Variants in SLC19A1 observed in about 807,000 individuals in gnomAD.
The protein encoded by SLC19A1 is solute carrier family 19 member 1, also known as reduced folate transporter.
In SLC19A1, 37 loss-of-function variants were observed where a neutral mutation model predicts 35.3. That is an observed-to-expected ratio of 1.05 (90% CI 0.81 to 1.38). The LOEUF (loss-of-function observed/expected upper bound fraction) is 1.38. Among genes scored for constraint, SLC19A1 ranks in the 40% most tolerant of loss-of-function variants. SLC19A1 has a pLI of 0.00. For synonymous variants in SLC19A1, 460 were observed against 398.5 expected (o/e 1.15, Z -1.84); for missense variants, 831 against 826.9 (o/e 1.00, Z -0.06).
In SLC19A1 at chr21:45,531,477, G is replaced by C; in HGVS notation, c.861C>G (p.Tyr287Ter). 1.2e-6 allele frequency: 2 copies of C among 1,612,752 alleles called. No individual in the cohort carries two copies. The highest frequency in any genetic ancestry group is 1.7e-6 in the Non-Finnish European group (2 of 1,179,744). The change falls in exon 3 of 6, where the codon TAC (tyrosine) becomes TAG (stop). Residue 287 changes from tyrosine to a stop codon, truncating the protein, a stop_gained. Transcript: ENST00000311124. LOFTEE classifies it high-confidence loss of function. ...NSAGYYLVVY[Y>*]VHILWNEVDP... ...CCACCTCGTTCCACAGGATGTGCACGTAGTAGACCACCAGGTAGTAGCCGG... is the reference window on the plus strand; with the variant it reads ...CCACCTCGTTCCACAGGATGTGCACCTAGTAGACCACCAGGTAGTAGCCGG...
chr21:45,507,023 CAGG>C (rs559990384), intron 3 of SLC19A1: 21 of 308,608 alleles, frequency 6.8e-5, no homozygotes, highest in South Asian at 3.3e-4. Context: ...TTGGTCCTGA[CAGG>C]AGGAGGCAGG....
chr21:45,509,385 C>A (rs529776494), downstream of SLC19A1: 57 of 1,542,060 alleles, frequency 3.7e-5, no homozygotes, highest in South Asian at 5.9e-4. Context: ...TGCAGCCCCC[C>A]GTGGTGCAGC....
At chr21:45,557,348 C>T (rs143067773) in intron 1 of SLC19A1, among the ~76,000 whole-genome samples, 139 of 152,330 alleles carry the variant, frequency 9.1e-4, no homozygotes, top group African/African-American at 3.2e-3. Context: ...CCCCGTAGCC[C>T]GTGCCACATT....
At chr21:45,516,481 G>A (rs1029146081) in intron 5 of SLC19A1, among the ~76,000 whole-genome samples, 1 of 152,198 alleles carries the variant, frequency 6.6e-6, no homozygotes, top group Non-Finnish European at 1.5e-5. Context: ...TGAGACAGCG[G>A]AAGGGTGCCC....
At chr21:45,554,469 C>A (rs569666409) in intron 1 of SLC19A1, among the ~76,000 whole-genome samples, 3 of 4,914 alleles carry the variant, frequency 6.1e-4, no homozygotes, top group East Asian at 4.4e-3. Flanking sequence ...CCATGCCCCC[C>A]CAATCCCCCG....
rs1004161700 is a variant in SLC19A1 at position 45,505,235 on chromosome 21, A to C, written c.498-6623T>G. 660 of 1,594,986 alleles carry C rather than the reference A, an allele frequency of 4.1e-4. 2 individuals carry two copies. The African/African-American group carries it at 4.8e-3, about 12-fold the overall frequency. Reference sequence around the variant, plus strand: ...GGCGCCAGGGCCCTCCCGGCCCCCCAGGCCCCCCAGGGCCCCCTTCATTTC... The same window carrying C: ...GGCGCCAGGGCCCTCCCGGCCCCCCCGGCCCCCCAGGGCCCCCTTCATTTC... On this transcript the variant is annotated intron_variant, in intron 3 of 4. Coordinates refer to the SLC19A1 transcript ENST00000417954.
rs115821882 is a variant in SLC19A1, at chr21:45,522,405, C to T, written c.1293+3412G>A. ...CTGCTGGTGGTGATATAAAACGGTACGACTGCTATGGAAAGTGGGCTGCTT... is the reference window on the plus strand; with the variant it reads ...CTGCTGGTGGTGATATAAAACGGTATGACTGCTATGGAAAGTGGGCTGCTT... On this transcript the variant is annotated intron_variant, in intron 5 of 5. Transcript: ENST00000311124. 8.2e-3 allele frequency among the ~76,000 whole-genome samples: 1,253 copies of T among 152,248 alleles called. 12 individuals carry two copies. The highest frequency in any genetic ancestry group is 0.025 in the African/African-American group (1,018 of 41,530).
rs2037758023 is a variant in SLC19A1 at position 45,513,986 on chromosome 21, C to T, written c.*1672G>A. The T allele has an allele frequency of 6.6e-6, 1 of 152,402 alleles. No individual in the cohort carries two copies. The highest frequency in any genetic ancestry group is 1.5e-5 in the Non-Finnish European group (1 of 68,136). 9.4% of individuals were successfully genotyped at this position (152,402 alleles called of 1,614,324 possible). A position where few individuals can be genotyped will look rare whatever the true frequency, so the allele number is the denominator to read the frequency against. On this transcript the variant is annotated 3_prime_UTR_variant, in exon 6 of 6. Coordinates refer to ENST00000311124, the MANE Select transcript of SLC19A1 (RefSeq NM_194255.4). ...AACACTCTTAGGTCTCTCCTCACAG[C>T]AGGACCTGACTTGCTCCCAGCAACA...
chr21:45,511,315 T>A, downstream of SLC19A1: 1 of 733,252 alleles, frequency 1.4e-6, no homozygotes. Flanking sequence ...TCCCCCCGAG[T>A]TTTTGGACAA....
upstream of SLC19A1, among the ~76,000 whole-genome samples, chr21:45,542,858 T>A (rs1361398535): frequency 7.4e-6 from 1 of 134,272 alleles, no homozygotes; most frequent in Non-Finnish European, 1.5e-5. Context: ...TTTGGCACCC[T>A]GGAACACCTG....
intron 5 of SLC19A1, among the ~76,000 whole-genome samples, chr21:45,519,310 C>T (rs938845537): frequency 1.6e-4 from 24 of 151,966 alleles, no homozygotes; most frequent in Admixed American, 1.0e-3. Context: ...AAATTAAAAA[C>T]GAAATGGCAG....
chr21:45,525,204 T>C lies in SLC19A1; in HGVS notation c.1293+613A>G, dbSNP rs372847779. ...GGGCCCCAGGTGGACAAAGCCCTTG[T>C]CCCACCCGCCAAGGGCATCTGTCTA... On this transcript the variant is annotated intron_variant, in intron 5 of 5. Coordinates refer to ENST00000311124, the MANE Select transcript of SLC19A1 (RefSeq NM_194255.4). Among the ~76,000 whole-genome samples, 9 of 152,276 alleles carry C rather than the reference T, an allele frequency of 5.9e-5. No individual in the cohort carries two copies. The East Asian group carries it at 1.7e-3, about 29-fold the overall frequency.
intron 5 of SLC19A1, among the ~76,000 whole-genome samples, chr21:45,520,143 A>C (rs1056193041): frequency 6.6e-6 from 1 of 152,224 alleles, no homozygotes; most frequent in African/African-American, 2.4e-5. Context: ...ATGAAAATGA[A>C]AACACAGCCT....
intron 2 of SLC19A1, among the ~76,000 whole-genome samples, chr21:45,535,029 G>T (rs766695128): frequency 2.0e-5 from 3 of 152,388 alleles, no homozygotes; most frequent in South Asian, 2.1e-4. Flanking sequence ...GGCAAGGCCC[G>T]AAGGCAGGCA....
chr21:45,545,162 C>T (rs951257700), upstream of SLC19A1, among the ~76,000 whole-genome samples: 30 of 152,216 alleles, frequency 2.0e-4, no homozygotes, highest in African/African-American at 7.2e-4. Context: ...CATGCGCAGA[C>T]ACGCACACAC....
chr21:45,511,037 C>CCCCACATCCACAT, downstream of SLC19A1: 1 of 361,766 alleles, frequency 2.8e-6, no homozygotes, highest in Non-Finnish European at 5.2e-6. Context: ...CACATCCACA[C>CCCCACATCCACAT]ACCCCCCCAC....
chr21:45,537,800 C>T lies in SLC19A1; in HGVS notation c.160G>A (p.Gly54Arg). 6.7e-7 allele frequency: 1 copy of T among 1,500,000 alleles called. No individual in the cohort carries two copies. Among genetic ancestry groups the T allele is most frequent in the Non-Finnish European group, 9.0e-7 (1 of 1,112,760 alleles). 92.9% of individuals were successfully genotyped at this position (1,500,000 alleles called of 1,614,324 possible). ...TCCCGCGTGAAGTTCTTGTCGGGCCCCAGGAGGTAGGGGGTGATGAAGCTC... is the reference window on the plus strand; with the variant it reads ...TCCCGCGTGAAGTTCTTGTCGGGCCTCAGGAGGTAGGGGGTGATGAAGCTC... The part of the protein sequence containing the change: ...GESFITPYLL[G>R]PDKNFTREQV... Residue 54 changes from glycine (G) to arginine (R), a missense_variant, in exon 2 of 6, where the codon GGG becomes AGG. Physicochemically the swap from Gly to Arg is moderately radical, Grantham distance 125. Transcript: ENST00000311124.
intron 3 of SLC19A1, chr21:45,504,585 C>A (rs934334461): frequency 1.3e-6 from 2 of 1,554,382 alleles, no homozygotes; most frequent in African/African-American, 1.4e-5. Flanking sequence ...AGGCAGAGCC[C>A]ATGTCCCAGG....
At chr21:45,560,430 G>C (rs2078604245) in intron 1 of SLC19A1, among the ~76,000 whole-genome samples, 1 of 151,772 alleles carries the variant, frequency 6.6e-6, no homozygotes, top group African/African-American at 2.4e-5. Flanking sequence ...TGTGGCACTG[G>C]CACCCCCGCT....
Sources: gnomAD v4.1 joint callset for allele counts (sites outside exome capture counted in the v4.1 genomes callset) on GRCh38, gnomAD v4.1.1 for gene constraint, MANE v1.5 for transcripts, NCBI Gene and HGNC (gene_info 2026-07-23, HGNC 2026-07-21) for gene names.